The following SEC16B variants were observed in gnomAD, a reference collection of about 807,000 sequenced individuals.
SEC16B encodes the protein SEC16 homolog B, endoplasmic reticulum export factor, also known as protein transport protein Sec16B.
Under a neutral mutation model 141.8 loss-of-function variants are expected in SEC16B, and 115 were observed. The observed-to-expected ratio is 0.81, with a 90% CI of 0.70 to 0.95. The LOEUF is 0.95. Among genes scored for constraint, SEC16B ranks in the 40% least tolerant of loss-of-function variants. SEC16B has a pLI of 0.00. For missense variants in SEC16B, 1,291 were observed against 1,312.3 expected (o/e 0.98, Z 0.25); for synonymous variants, 493 against 492.5 (o/e 1.00, Z -0.01).
At chr1:177,966,500 CTT>C (rs1653529894) in intron 2 of SEC16B, among the ~76,000 whole-genome samples, 2 of 152,250 alleles carry the variant, frequency 1.3e-5, no homozygotes, top group South Asian at 4.1e-4. Context: ...ACACGCCTCT[CTT>C]TGAGAATTCA....
chr1:177,966,238 ACT>A (rs1377957149), intron 2 of SEC16B, among the ~76,000 whole-genome samples: 1 of 152,040 alleles, frequency 6.6e-6, no homozygotes, highest in Admixed American at 6.5e-5. Flanking sequence ...TTTACTTAAA[ACT>A]CTTTTTCTAA....
Position 177,947,869 on chromosome 1 carries a change from G to C in SEC16B, c.1619C>G (p.Pro540Arg), listed in dbSNP as rs772289438. The C allele has an allele frequency of 2.6e-6, 4 of 1,559,476 alleles. No individual in the cohort carries two copies. Among genetic ancestry groups the C allele is most frequent in the Non-Finnish European group, 3.5e-6 (4 of 1,152,044 alleles). Residue 540 changes from proline to arginine, a missense_variant, in exon 13 of 26, where the codon CCA (proline) becomes CGA (arginine). Coordinates refer to ENST00000308284, the MANE Select transcript of SEC16B (RefSeq NM_033127.4). The stretch of plus-strand genomic sequence containing the variant: ...AACAATCGCACGCTGATACAGCTCT[G>C]GGTCCCCAGCCTGATTCGACAGAAT... ...AVILSNQAGD[P>R]ELYQRAIVAI...
rs577817382 is a variant in SEC16B at position 177,932,120 on chromosome 1, T to A, written c.3012+370A>T. On this transcript the variant is annotated intron_variant, in intron 24 of 25. Coordinates refer to ENST00000308284, the MANE Select transcript of SEC16B (RefSeq NM_033127.4). ...TTAACATAAATGGAGGTCATATTGG[T>A]AGCCCATTCCAGTATGACTGATGTC... Among the ~76,000 whole-genome samples, 6 of 152,304 alleles carry A rather than the reference T, an allele frequency of 3.9e-5. No homozygotes were observed. The East Asian group carries it at 7.7e-4, about 20-fold the overall frequency.
intron 18 of SEC16B, 114 bp downstream of exon 18, chr1:177,939,588 G>T: frequency 2.2e-6 from 2 of 890,812 alleles, no homozygotes; most frequent in Non-Finnish European, 3.6e-6. Context: ...ACTTACACAG[G>T]CAAGGCAGGC....
intron 7 of SEC16B, 75 bp downstream of exon 7, chr1:177,960,716 A>C (rs1017069343): frequency 3.4e-6 from 5 of 1,469,380 alleles, no homozygotes; most frequent in Non-Finnish European, 3.6e-6. Context: ...CAGGCACAGG[A>C]AAGCAAGGTA....
intron 12 of SEC16B, among the ~76,000 whole-genome samples, chr1:177,950,424 C>G (rs1438976074): frequency 1.3e-5 from 2 of 152,102 alleles, no homozygotes; most frequent in Non-Finnish European, 2.9e-5. Context: ...CCTGGCCCAT[C>G]CTCTGCACAA....
intron 12 of SEC16B, among the ~76,000 whole-genome samples, chr1:177,950,816 G>T (rs907934741): frequency 2.0e-5 from 3 of 149,298 alleles, no homozygotes; most frequent in African/African-American, 7.4e-5. Flanking sequence ...GAGCACAAAA[G>T]TAAGAGACAC....
chr1:177,959,487 AG>A, intron 8 of SEC16B: 1 of 171,356 alleles, frequency 5.8e-6, no homozygotes, highest in East Asian at 1.6e-4. Context: ...AGTTAGGCTT[AG>A]TACCCCAGTG....
chr1:177,980,823 A>T (rs1654378698), intron 1 of SEC16B, among the ~76,000 whole-genome samples: 1 of 152,028 alleles, frequency 6.6e-6, no homozygotes, highest in Non-Finnish European at 1.5e-5. Context: ...CTGAGACCTG[A>T]AGGATGAGAG....
intron 11 of SEC16B, among the ~76,000 whole-genome samples, chr1:177,952,804 C>T (rs555981364): frequency 3.9e-5 from 6 of 152,174 alleles, no homozygotes; most frequent in Non-Finnish European, 5.9e-5. Context: ...ACAGGAGCTC[C>T]GAGCACGTAT....
upstream of SEC16B, chr1:177,970,135 G>A (rs1382568133): frequency 6.6e-6 from 1 of 152,294 alleles, no homozygotes; most frequent in Non-Finnish European, 1.5e-5. Flanking sequence ...TCAGAACCCT[G>A]TCAGAGACTG....
intron 15 of SEC16B, among the ~76,000 whole-genome samples, chr1:177,942,616 C>T (rs967168468): frequency 6.6e-6 from 1 of 151,842 alleles, no homozygotes; most frequent in Non-Finnish European, 1.5e-5. Context: ...TCCAGTGAGC[C>T]GAGATCATGC....
In SEC16B at chr1:177,939,531, G is replaced by A. The variant is rs1190640358; in HGVS notation, c.2203+171C>T. On this transcript the variant is annotated intron_variant, in intron 18 of 25. Transcript: ENST00000308284. ...GAACTTAGAAGTGTTAGGGATGTGT[G>A]AGGCTGGCAGGAGCTGGGTGGAGAA... is the stretch of plus-strand genomic sequence containing the variant. Among the ~76,000 whole-genome samples the A allele has an allele frequency of 2.0e-5, 3 of 152,238 alleles. No individual in the cohort carries two copies. The East Asian group carries it at 5.8e-4, about 29-fold the overall frequency.
upstream of SEC16B, among the ~76,000 whole-genome samples, chr1:177,974,041 T>A (rs1346658376): frequency 1.3e-5 from 2 of 152,130 alleles, no homozygotes; most frequent in Non-Finnish European, 2.9e-5. Context: ...CATGCATTGA[T>A]GGTCTGTTGA....
At position 177,939,754 on chromosome 1, in the gene SEC16B, C is replaced by G. The variant is rs571762198; in HGVS notation, c.2151G>C (p.Gly717=). 6.9e-6 allele frequency: 11 copies of G among 1,592,166 alleles called. No individual in the cohort carries two copies. The East Asian group carries it at 2.5e-4, about 36-fold the overall frequency. The change falls in exon 18 of 26, where the codon GGG becomes GGC. Residue 717 remains glycine (G), a synonymous_variant. Coordinates refer to ENST00000308284, the MANE Select transcript of SEC16B (RefSeq NM_033127.4). ...TATCTGAGCGAGTAGGATGAGGATCCCCAATGTCTCCTGCTACCTTTTGCT... is the reference window on the plus strand; with the variant it reads ...TATCTGAGCGAGTAGGATGAGGATCGCCAATGTCTCCTGCTACCTTTTGCT... The part of the protein sequence containing the change: ...QLEQKVAGDI[G]DPHPTRSDIS...
rs41267158 is a variant in SEC16B, at chr1:177,942,057, G to A, written c.1882-17C>T. On this transcript the variant is annotated splice_polypyrimidine_tract_variant and intron_variant, in intron 15 of 25. Coordinates refer to ENST00000308284, the MANE Select transcript of SEC16B (RefSeq NM_033127.4). ...CTTATACACCTGTGAAGAGAAAAGA[G>A]TCAGTGACTAGTCCATCCAGGCAGG... The A allele has an allele frequency of 0.017, 27,382 of 1,606,650 alleles. 274 individuals carry two copies. The highest frequency in any genetic ancestry group is 0.021 in the Non-Finnish European group (24,157 of 1,175,798).
rs111233375 is a variant in SEC16B at position 177,949,429 on chromosome 1, C to A, written c.1546-1487G>T. Among the ~76,000 whole-genome samples, 680 of 139,202 alleles carry A rather than the reference C, an allele frequency of 4.9e-3. 7 individuals carry two copies. The highest frequency in any genetic ancestry group is 0.016 in the African/African-American group (597 of 37,258). The allele number at this position is 139,202 out of a possible 152,430, so 91.3% of individuals were successfully genotyped here. A position where few individuals can be genotyped will look rare whatever the true frequency, so the allele number is the denominator to read the frequency against. On this transcript the variant is annotated intron_variant, in intron 12 of 25. Transcript: ENST00000308284. The stretch of plus-strand genomic sequence containing the variant: ...ACACACACACACACACACACACACA[C>A]AAAGAAAAACTTAGAGGTCATTATT...
upstream of SEC16B, among the ~76,000 whole-genome samples, chr1:177,972,651 A>C (rs76772143): frequency 0.015 from 2,235 of 152,272 alleles, 25 homozygotes; most frequent in Middle Eastern, 0.041. Flanking sequence ...TTCCTTTCCC[A>C]GTCTCCATCC....
chr1:177,968,103 T>C, intron 1 of SEC16B, 64 bp from the exon 2 acceptor site: 1 of 1,006,778 alleles, frequency 9.9e-7, no homozygotes, highest in Non-Finnish European at 1.4e-6. Flanking sequence ...TAGTGGTTGA[T>C]TAGGTTTTGT....
Sources: gnomAD v4.1 joint callset for allele counts (sites outside exome capture counted in the v4.1 genomes callset) on GRCh38, gnomAD v4.1.1 for gene constraint, MANE v1.5 for transcripts, NCBI Gene and HGNC (gene_info 2026-07-23, HGNC 2026-07-21) for gene names.